Variants in PTPRD observed in about 807,000 individuals in gnomAD.
The protein encoded by PTPRD is protein tyrosine phosphatase receptor type D, also known as receptor-type tyrosine-protein phosphatase delta.
In PTPRD, 34 loss-of-function variants were observed where a neutral mutation model predicts 214.5. The ratio of observed to expected loss-of-function variants is 0.16; its 90% CI spans 0.12 to 0.21. The LOEUF is 0.21. Among genes scored for constraint, PTPRD ranks in the 10% least tolerant of loss-of-function variants. The pLI, the probability that PTPRD is intolerant of heterozygous loss-of-function variation, is 1.00. For synonymous variants in PTPRD, 1,128 were observed against 845.7 expected, an observed-to-expected ratio of 1.33 and a Z score of -5.79; for missense variants, 2,545 against 2,398.7, an observed-to-expected ratio of 1.06 and a Z score of -1.27.
intron 2 of PTPRD, among the ~76,000 whole-genome samples, chr9:10,493,201 C>G (rs533970012): frequency 4.6e-5 from 7 of 151,978 alleles, no homozygotes; most frequent in Non-Finnish European, 1.0e-4. Context: ...TCAATGCTAT[C>G]CCCATCAAGC....
intron 3 of PTPRD, among the ~76,000 whole-genome samples, chr9:10,171,728 T>G (rs983115807): frequency 6.6e-6 from 1 of 152,126 alleles, no homozygotes; most frequent in Non-Finnish European, 1.5e-5. Context: ...TTTCACTGTG[T>G]TAACCAGGAT....
At chr9:8,594,859 CCTTT>C (rs2094382957) in intron 14 of PTPRD, among the ~76,000 whole-genome samples, 2 of 141,536 alleles carry the variant, frequency 1.4e-5, no homozygotes, top group Non-Finnish European at 1.5e-5. Context: ...ATGTTTAACC[CCTTT>C]TTTTTTTTTT....
intron 3 of PTPRD, among the ~76,000 whole-genome samples, chr9:10,043,273 A>G (rs1414362574): frequency 6.6e-6 from 1 of 151,972 alleles, no homozygotes; most frequent in Non-Finnish European, 1.5e-5. Flanking sequence ...TTAAATAATC[A>G]AAGTGAATAA....
chr9:9,529,647 T>C (rs1265592400), intron 8 of PTPRD, among the ~76,000 whole-genome samples: 1 of 152,066 alleles, frequency 6.6e-6, no homozygotes, highest in Admixed American at 6.5e-5. Context: ...CAGATTTTAC[T>C]GAAGATAAAC....
chr9:8,725,867 G>C (rs10122099), intron 12 of PTPRD, among the ~76,000 whole-genome samples: 1 of 151,868 alleles, frequency 6.6e-6, no homozygotes, highest in African/African-American at 2.4e-5. Context: ...ACTTACTGCC[G>C]AGAGACAAAG....
chr9:9,929,188 G>A (rs1243124623), intron 5 of PTPRD, among the ~76,000 whole-genome samples: 1 of 152,086 alleles, frequency 6.6e-6, no homozygotes, highest in Admixed American at 6.6e-5. Context: ...TGTGCATACT[G>A]GGGGAGAAGA....
intron 5 of PTPRD, among the ~76,000 whole-genome samples, chr9:9,930,408 C>A (rs1215926287): frequency 6.6e-6 from 1 of 152,118 alleles, no homozygotes; most frequent in Admixed American, 6.5e-5. Flanking sequence ...AGACTGTTAA[C>A]AATATTTCTA....
chr9:9,275,721 C>T (rs1048165164), intron 9 of PTPRD, among the ~76,000 whole-genome samples: 1 of 151,258 alleles, frequency 6.6e-6, no homozygotes, highest in African/African-American at 2.4e-5. Flanking sequence ...TCAAATGACT[C>T]ATCTGTGTCC....
intron 11 of PTPRD, among the ~76,000 whole-genome samples, chr9:8,969,714 A>G (rs2099224602): frequency 6.6e-6 from 1 of 151,976 alleles, no homozygotes; most frequent in African/African-American, 2.4e-5. Context: ...ATCGATGGGT[A>G]AATAAAACTG....
chr9:10,387,973 T>G (rs909944388), intron 2 of PTPRD, among the ~76,000 whole-genome samples: 2 of 151,432 alleles, frequency 1.3e-5, no homozygotes, highest in South Asian at 4.2e-4. Context: ...TTTGTCTTCT[T>G]TTTAGAGTTG....
chr9:8,337,752 GTC>G (rs1198520887), intron 43 of PTPRD, among the ~76,000 whole-genome samples: 2 of 152,034 alleles, frequency 1.3e-5, no homozygotes, highest in Non-Finnish European at 2.9e-5. Context: ...TAGGAAAGGT[GTC>G]TCTGCCATTG....
intron 3 of PTPRD, among the ~76,000 whole-genome samples, chr9:10,132,051 T>A (rs2098894027): frequency 6.6e-6 from 1 of 152,134 alleles, no homozygotes; most frequent in South Asian, 2.1e-4. Flanking sequence ...GACAATGATA[T>A]AGAGTAAATA....
intron 7 of PTPRD, among the ~76,000 whole-genome samples, chr9:9,603,616 A>G (rs1250648786): frequency 2.6e-5 from 4 of 152,040 alleles, no homozygotes; most frequent in Non-Finnish European, 5.9e-5. Context: ...CTCAAACCCT[A>G]TTGTGAACAG....
intron 8 of PTPRD, among the ~76,000 whole-genome samples, chr9:9,426,024 C>T (rs2080764321): frequency 6.6e-6 from 1 of 152,024 alleles, no homozygotes; most frequent in African/African-American, 2.4e-5. Context: ...ACTGAGGTAC[C>T]AGGTTCGTCT....
intron 11 of PTPRD, among the ~76,000 whole-genome samples, chr9:9,008,165 C>G (rs2099489406): frequency 6.7e-6 from 1 of 148,756 alleles, no homozygotes; most frequent in Admixed American, 6.8e-5. Context: ...AGCCACAGTC[C>G]ATGAGAGTCT....
chr9:8,332,094 CAAAATGGAACATAT>C (rs151162767), intron 43 of PTPRD, among the ~76,000 whole-genome samples: 24,802 of 151,766 alleles, frequency 0.16, 3,201 homozygotes, highest in African/African-American at 0.36. Flanking sequence ...GCATTCCTTC[CAAAATGGAACATAT>C]AAAATGGAAC....
intron 12 of PTPRD, among the ~76,000 whole-genome samples, chr9:8,683,349 G>C (rs1021900847): frequency 6.7e-6 from 1 of 149,714 alleles, no homozygotes; most frequent in Non-Finnish European, 1.5e-5. Context: ...TCATAACTTG[G>C]ATAAGCCTCT....
chr9:9,041,569 T>A (rs542430494), intron 10 of PTPRD, among the ~76,000 whole-genome samples: 75 of 152,342 alleles, frequency 4.9e-4, no homozygotes, highest in African/African-American at 1.8e-3. Flanking sequence ...GGCTGCATAG[T>A]AAGAATTCCT....
At chr9:9,130,309 C>T (rs2099840632) in intron 10 of PTPRD, among the ~76,000 whole-genome samples, 1 of 152,038 alleles carries the variant, frequency 6.6e-6, no homozygotes, top group South Asian at 2.1e-4. Flanking sequence ...TACTTTTCAT[C>T]TATTTATAAT....
Sources: allele counts gnomAD v4.1 joint callset (sites outside exome capture counted in the v4.1 genomes callset), GRCh38; gene constraint gnomAD v4.1.1; transcripts MANE v1.5; gene names NCBI Gene and HGNC (gene_info 2026-07-23, HGNC 2026-07-21).